The following TMEM200A variants were observed in gnomAD, a reference collection of about 807,000 sequenced individuals.
TMEM200A encodes two transmembrane C.
Under a neutral mutation model 24.3 loss-of-function variants are expected in TMEM200A, and 12 were observed. The observed-to-expected ratio is 0.49, with a 90% CI of 0.32 to 0.80. The LOEUF (loss-of-function observed/expected upper bound fraction) is 0.80. Among genes scored for constraint, TMEM200A ranks in the 30% least tolerant of loss-of-function variants. TMEM200A has a pLI of 0.04. For missense variants in TMEM200A, 545 were observed against 614.4 expected (o/e 0.89, Z 1.19); for synonymous variants, 224 against 224.4 (o/e 1.00, Z 0.02).
At chr6:130,417,219 A>T (rs1779475848) in intron 2 of TMEM200A, among the ~76,000 whole-genome samples, 1 of 152,180 alleles carries the variant, frequency 6.6e-6, no homozygotes, top group Non-Finnish European at 1.5e-5. Context: ...ATGCTAATTA[A>T]ATATTTGTTA....
chr6:130,407,881 T>C (rs1779241048), intron 2 of TMEM200A, among the ~76,000 whole-genome samples: 1 of 152,236 alleles, frequency 6.6e-6, no homozygotes, highest in Non-Finnish European at 1.5e-5. Flanking sequence ...ATCTCTGAAT[T>C]TTACGTCTGC....
At position 130,440,593 on chromosome 6, in the gene TMEM200A, T is replaced by G. The variant is rs747027615; in HGVS notation, c.171T>G (p.Leu57=). The G allele has an allele frequency of 5.0e-6, 8 of 1,614,114 alleles. No individual in the cohort carries two copies. The highest frequency in any genetic ancestry group is 6.8e-6 in the Non-Finnish European group (8 of 1,179,984). Residue 57 remains leucine (L), a synonymous_variant, in exon 3 of 3, where the codon CTT becomes CTG. Coordinates refer to ENST00000296978, the MANE Select transcript of TMEM200A (RefSeq NM_001258277.2). ...TGGTTGTTCGTGGCAAAATCCGGCT[T>G]TATTCCCCATCTGGTTTTTTTCTTA... ...DVVVVRGKIR[L]YSPSGFFLIL...
At chr6:130,422,839 TTATTA>T (rs940694037) in intron 2 of TMEM200A, among the ~76,000 whole-genome samples, 1 of 152,212 alleles carries the variant, frequency 6.6e-6, no homozygotes, top group African/African-American at 2.4e-5. Flanking sequence ...ATGAGTGTTC[TTATTA>T]TATTTCTGGT....
At chr6:130,381,966 C>T in intron 1 of TMEM200A, 1 of 985,348 alleles carries the variant, frequency 1.0e-6, no homozygotes, top group Non-Finnish European at 1.2e-6. Context: ...CATCTGGCTG[C>T]CTTGCTGAAG....
rs1221762017 is a variant in TMEM200A at position 130,442,912 on chromosome 6, T to A, written c.*1014T>A. ...CCACTATCTCGGTAGTTCAAAAAAATTTAGTTCTTGATAAATTGCCTTGAA... is the reference window on the plus strand; with the variant it reads ...CCACTATCTCGGTAGTTCAAAAAAAATTAGTTCTTGATAAATTGCCTTGAA... On this transcript the variant is annotated 3_prime_UTR_variant, in exon 3 of 3. Coordinates refer to ENST00000296978, the MANE Select transcript of TMEM200A (RefSeq NM_001258277.2). The A allele has an allele frequency of 6.1e-6, 1 of 165,168 alleles. No homozygotes were observed. The highest frequency in any genetic ancestry group is 6.8e-5 in the Admixed American group (1 of 14,776). The allele number at this position is 165,168 out of a possible 1,614,324, so 10.2% of individuals were successfully genotyped here.
intron 2 of TMEM200A, among the ~76,000 whole-genome samples, chr6:130,427,066 A>G (rs1301630590): frequency 6.6e-6 from 1 of 152,112 alleles, no homozygotes; most frequent in Non-Finnish European, 1.5e-5. Context: ...CGAAGGCTAC[A>G]CTCCACCTGC....
At chr6:130,424,522 T>G (rs1202943393) in intron 2 of TMEM200A, among the ~76,000 whole-genome samples, 1 of 152,144 alleles carries the variant, frequency 6.6e-6, no homozygotes, top group East Asian at 1.9e-4. Flanking sequence ...TAAAACTTTT[T>G]TCTTTCTTTT....
chr6:130,366,278 C>T lies in TMEM200A; in HGVS notation c.-327C>T, dbSNP rs1285780336. On this transcript the variant is annotated 5_prime_UTR_variant, in exon 1 of 3. Coordinates refer to ENST00000296978, the MANE Select transcript of TMEM200A (RefSeq NM_001258277.2). The surrounding 1 kb of genome is among the most constrained non-coding windows in gnomAD (Gnocchi z 4.4). ...GCATAGGGGCGCCCCCACCCTCCGT[C>T]CGCTTGCACCCCTTGCCACCCGCCC... 3 of 984,744 alleles carry T rather than the reference C, an allele frequency of 3.0e-6. No individual in the cohort carries two copies. In the African/African-American group the frequency reaches 5.2e-5, roughly 17 times the overall value. 61.0% of individuals were successfully genotyped at this position (984,744 alleles called of 1,614,324 possible). A position where few individuals can be genotyped will look rare whatever the true frequency, so the allele number is the denominator to read the frequency against.
intron 2 of TMEM200A, among the ~76,000 whole-genome samples, chr6:130,408,638 A>G (rs1779261513): frequency 6.6e-6 from 1 of 152,098 alleles, no homozygotes; most frequent in Non-Finnish European, 1.5e-5. Flanking sequence ...AAGAGGTAGG[A>G]AATGGAGTTG....
In TMEM200A at chr6:130,366,360, A is replaced by ACCGCGGCTGC; in HGVS notation, c.-237_-228dup. The ACCGCGGCTGC allele has an allele frequency of 1.0e-6, 1 of 982,546 alleles. No homozygotes were observed. The allele number at this position is 982,546 out of a possible 1,614,324, so 60.9% of individuals were successfully genotyped here. A position where few individuals can be genotyped will look rare whatever the true frequency, so the allele number is the denominator to read the frequency against. ...CCCGAGCCCTGGGATGGGGAGGGAGACCGCGGCTGCCCGCGGCGGCCGAGA... is the reference window on the plus strand; with the variant it reads ...CCCGAGCCCTGGGATGGGGAGGGAGACCGCGGCTGCCCGCGGCTGCCCGCGGCGGCCGAGA... On this transcript the variant is annotated 5_prime_UTR_variant, in exon 1 of 3. The change abolishes the stop of an existing upstream ORF in the 5' untranslated region. Transcript: ENST00000296978. The surrounding 1 kb of genome is among the most constrained non-coding windows in gnomAD (Gnocchi z 4.4).
chr6:130,381,143 A>C (rs1778586739), intron 1 of TMEM200A, among the ~76,000 whole-genome samples: 1 of 152,234 alleles, frequency 6.6e-6, no homozygotes, highest in African/African-American at 2.4e-5. Flanking sequence ...GAGTTAGCAC[A>C]GTGCCATTCA....
At chr6:130,367,612 A>C (rs1254825622) in intron 1 of TMEM200A, among the ~76,000 whole-genome samples, 1 of 152,232 alleles carries the variant, frequency 6.6e-6, no homozygotes, top group Non-Finnish European at 1.5e-5. Context: ...AAATTTTGAA[A>C]CTTTTTAAAC....
At chr6:130,407,023 G>A (rs774803016) in intron 2 of TMEM200A, among the ~76,000 whole-genome samples, 5 of 152,038 alleles carry the variant, frequency 3.3e-5, no homozygotes, top group South Asian at 2.1e-4. Flanking sequence ...GGTTTTGAGC[G>A]CATTGTACCT....
chr6:130,420,031 T>C (rs1427430368), intron 2 of TMEM200A, among the ~76,000 whole-genome samples: 1 of 152,108 alleles, frequency 6.6e-6, no homozygotes, highest in African/African-American at 2.4e-5. Context: ...ATTAATCCTC[T>C]CCATGAAAGT....
chr6:130,401,257 T>C (rs1449663285), intron 2 of TMEM200A, among the ~76,000 whole-genome samples: 3 of 152,030 alleles, frequency 2.0e-5, no homozygotes, highest in Non-Finnish European at 2.9e-5. Context: ...TTCACAGCAG[T>C]AAATTATTAT....
chr6:130,410,379 AT>A (rs1417357736), intron 2 of TMEM200A, among the ~76,000 whole-genome samples: 13 of 152,320 alleles, frequency 8.5e-5, no homozygotes, highest in African/African-American at 3.1e-4. Context: ...TAACTTTTTC[AT>A]TTTTAAATGA....
chr6:130,383,278 A>C (rs1778643579), intron 1 of TMEM200A, among the ~76,000 whole-genome samples: 1 of 152,194 alleles, frequency 6.6e-6, no homozygotes. Flanking sequence ...CTAGGAAGTC[A>C]GCAATGCCAT....
At chr6:130,392,128 A>G (rs1778849093) in intron 2 of TMEM200A, among the ~76,000 whole-genome samples, 1 of 152,094 alleles carries the variant, frequency 6.6e-6, no homozygotes, top group South Asian at 2.1e-4. Flanking sequence ...CCTTGTACAG[A>G]TTACCTACCC....
intron 2 of TMEM200A, among the ~76,000 whole-genome samples, chr6:130,388,389 G>C (rs1778760122): frequency 6.6e-6 from 1 of 151,492 alleles, no homozygotes; most frequent in African/African-American, 2.4e-5. Context: ...TAACCCCCTG[G>C]AATGAATTAT....
Sources: gnomAD v4.1 joint callset for allele counts (sites outside exome capture counted in the v4.1 genomes callset) on GRCh38, gnomAD v4.1.1 for gene constraint, Gnocchi (gnomAD v3.1) non-coding constraint, MANE v1.5 for transcripts, NCBI Gene and HGNC (gene_info 2026-07-23, HGNC 2026-07-21) for gene names.